Variants in VPS8 observed in about 807,000 individuals in gnomAD.
VPS8 encodes the protein VPS8 subunit of CORVET complex.
A neutral mutation model predicts 216.4 loss-of-function variants in VPS8; 129 were observed. The observed-to-expected ratio is 0.60, with a 90% CI of 0.52 to 0.69. The LOEUF (loss-of-function observed/expected upper bound fraction) is 0.69. Ranked by LOEUF, VPS8 falls within the 30% of genes least tolerant of loss-of-function variation. The pLI, the probability that VPS8 is intolerant of heterozygous loss-of-function variation, is 0.00. For synonymous variants in VPS8, 571 were observed against 565.4 expected, an observed-to-expected ratio of 1.01 and a Z score of -0.14; for missense variants, 1,531 against 1,683.5, an observed-to-expected ratio of 0.91 and a Z score of 1.59.
intron 46 of VPS8, among the ~76,000 whole-genome samples, chr3:185,024,619 G>T (rs567237023): frequency 6.6e-6 from 1 of 152,180 alleles, no homozygotes; most frequent in Non-Finnish European, 1.5e-5. Context: ...TTTCTAGAAT[G>T]TCCATCTTCC....
At chr3:185,009,208 G>A (rs953468426) in intron 45 of VPS8, among the ~76,000 whole-genome samples, 2 of 152,158 alleles carry the variant, frequency 1.3e-5, no homozygotes, top group African/African-American at 4.8e-5. Context: ...ATTGTTTTTA[G>A]TATTTTATAG....
intron 29 of VPS8, chr3:184,922,361 C>G: frequency 2.3e-6 from 1 of 442,364 alleles, no homozygotes; most frequent in Non-Finnish European, 4.5e-6. Context: ...ACTTGAGCTT[C>G]CTGAAGGTAG....
At chr3:185,006,379 G>A (rs1198203255) in intron 45 of VPS8, among the ~76,000 whole-genome samples, 2 of 151,916 alleles carry the variant, frequency 1.3e-5, no homozygotes, top group Non-Finnish European at 2.9e-5. Flanking sequence ...AGAGAGTGAG[G>A]GCCAATATTT....
intron 3 of VPS8, among the ~76,000 whole-genome samples, chr3:184,829,050 T>A (rs1719426658): frequency 1.3e-5 from 2 of 152,240 alleles, no homozygotes; most frequent in Admixed American, 1.3e-4. Context: ...TTCACATTGC[T>A]GTGTAAAATT....
chr3:185,009,122 A>G (rs1258477084), intron 45 of VPS8, among the ~76,000 whole-genome samples: 1 of 152,226 alleles, frequency 6.6e-6, no homozygotes, highest in Non-Finnish European at 1.5e-5. Flanking sequence ...AGTTCTGTAA[A>G]TTCGTACATT....
intron 42 of VPS8, among the ~76,000 whole-genome samples, chr3:184,985,994 C>T (rs1027464702): frequency 1.3e-5 from 2 of 152,152 alleles, no homozygotes; most frequent in Non-Finnish European, 2.9e-5. Context: ...TTAAGACTTA[C>T]CAGCATTCCT....
At chr3:184,831,609 G>A (rs1330948010) in intron 3 of VPS8, among the ~76,000 whole-genome samples, 1 of 152,158 alleles carries the variant, frequency 6.6e-6, no homozygotes, top group Non-Finnish European at 1.5e-5. Flanking sequence ...TCTAATTTCA[G>A]TGAGTAGAGT....
intron 42 of VPS8, among the ~76,000 whole-genome samples, chr3:184,987,145 ACT>A (rs757511860): frequency 1.3e-5 from 2 of 151,790 alleles, no homozygotes; most frequent in African/African-American, 2.4e-5. Flanking sequence ...ACAGAGTCTC[ACT>A]CTGTCACCCA....
At chr3:184,908,537 T>C (rs1735902185) in intron 25 of VPS8, among the ~76,000 whole-genome samples, 1 of 152,190 alleles carries the variant, frequency 6.6e-6, no homozygotes, top group Non-Finnish European at 1.5e-5. Flanking sequence ...AATTAGCTCT[T>C]TTAGTTTTAC....
In VPS8 at chr3:185,029,755, G is replaced by A. The variant is rs550943011; in HGVS notation, c.4056+5366G>A. Among the ~76,000 whole-genome samples the A allele has an allele frequency of 2.0e-5, 3 of 151,972 alleles. No individual in the cohort carries two copies. In the South Asian group the frequency reaches 6.2e-4, roughly 32 times the overall value. ...TTTTTTGTATTTTTAGGAGAGAAGG[G>A]GTTTCACCATGTTGGCCAGGCTGGT... On this transcript the variant is annotated intron_variant, in intron 46 of 47. Coordinates refer to ENST00000625842, the MANE Select transcript of VPS8 (RefSeq NM_001009921.3).
At chr3:184,886,329 C>T (rs533065887) in intron 22 of VPS8, among the ~76,000 whole-genome samples, 173 bp downstream of exon 22, 4 of 151,956 alleles carry the variant, frequency 2.6e-5, no homozygotes, top group Admixed American at 6.6e-5. Context: ...ATTAACTTCC[C>T]TAAGACAGAT....
At position 185,052,203 on chromosome 3, in the gene VPS8, TC is replaced by T; in HGVS notation, c.*179del. On this transcript the variant is annotated 3_prime_UTR_variant, in exon 48 of 48. Transcript: ENST00000625842. ...CATTCCCAGTGTAGACTCCCAGTCT[TC>T]TCCACATTGCTGTCATGGCGTCAGT... The T allele has an allele frequency of 1.7e-6, 1 of 585,626 alleles. No homozygotes were observed. The highest frequency in any genetic ancestry group is 3.3e-5 in the East Asian group (1 of 30,662). 36.3% of individuals were successfully genotyped at this position (585,626 alleles called of 1,614,324 possible).
At chr3:184,903,864 A>G (rs917153855) in intron 25 of VPS8, among the ~76,000 whole-genome samples, 1 of 152,114 alleles carries the variant, frequency 6.6e-6, no homozygotes, top group African/African-American at 2.4e-5. Flanking sequence ...AATATTACCA[A>G]ATCTTTCAGT....
intron 47 of VPS8, among the ~76,000 whole-genome samples, chr3:185,049,791 G>A (rs182615177): frequency 1.4e-4 from 21 of 152,028 alleles, no homozygotes; most frequent in Admixed American, 7.2e-4. Flanking sequence ...CCCCCTTCAC[G>A]CACTCCCCTT....
chr3:184,962,588 G>GT (rs1258198978), intron 37 of VPS8, among the ~76,000 whole-genome samples: 1 of 151,998 alleles, frequency 6.6e-6, no homozygotes, highest in Non-Finnish European at 1.5e-5. Context: ...AGTTCAAGAA[G>GT]TTTTTTCTGA....
rs534594793 is a variant in VPS8 at position 184,992,491 on chromosome 3, T to C, written c.3586-1492T>C. On this transcript the variant is annotated intron_variant, in intron 42 of 47. Coordinates refer to ENST00000625842, the MANE Select transcript of VPS8 (RefSeq NM_001009921.3). ...GTACCTAGATTCAAATCCCATCTTATCTGCTTGATAGTTTTGTGACTTAGA... is the reference window on the plus strand; with the variant it reads ...GTACCTAGATTCAAATCCCATCTTACCTGCTTGATAGTTTTGTGACTTAGA... Among the ~76,000 whole-genome samples the C allele has an allele frequency of 4.6e-5, 7 of 152,222 alleles. No homozygotes were observed. The South Asian group carries it at 1.2e-3, about 27-fold the overall frequency.
At chr3:184,886,409 G>A (rs1358262918) in intron 22 of VPS8, among the ~76,000 whole-genome samples, 2 of 151,832 alleles carry the variant, frequency 1.3e-5, no homozygotes, top group Admixed American at 6.6e-5. Flanking sequence ...TAGCAAAAGA[G>A]CAATACTACT....
chr3:184,893,159 A>G (rs775466079), intron 22 of VPS8: 3 of 735,952 alleles, frequency 4.1e-6, no homozygotes, highest in Non-Finnish European at 5.1e-6. Flanking sequence ...AATGTTGCAA[A>G]TGCTGTTAAT....
intron 22 of VPS8, 93 bp from the exon 23 acceptor site, chr3:184,894,610 A>G (rs1733040986): frequency 1.0e-6 from 1 of 966,550 alleles, no homozygotes; most frequent in South Asian, 1.7e-5. Context: ...GAGTAAGTTG[A>G]AGTAGGGAAA....
Sources: gnomAD v4.1 joint callset for allele counts (sites outside exome capture counted in the v4.1 genomes callset) on GRCh38, gnomAD v4.1.1 for gene constraint, MANE v1.5 for transcripts, NCBI Gene and HGNC (gene_info 2026-07-23, HGNC 2026-07-21) for gene names.